Variants in AHCYL2 observed in about 807,000 individuals in gnomAD.
The protein encoded by AHCYL2 is adenosylhomocysteinase like 2, also known as S-adenosylhomocysteine hydrolase-like protein 2.
AHCYL2 carries 28 observed loss-of-function variants against 81.4 expected under a neutral mutation model. The observed-to-expected ratio is 0.34, with a 90% CI of 0.25 to 0.47. The LOEUF (loss-of-function observed/expected upper bound fraction) is 0.47. Ranked by LOEUF, AHCYL2 falls within the 20% of genes least tolerant of loss-of-function variation. The probability of loss-of-function intolerance (pLI) is 1.00; values close to 1 mark genes in which losing one functional copy is unlikely to be tolerated. For missense variants in AHCYL2, 551 were observed against 785.1 expected, an observed-to-expected ratio of 0.70 and a Z score of 3.56; for synonymous variants, 272 against 290.2, an observed-to-expected ratio of 0.94 and a Z score of 0.64.
At chr7:129,336,028 T>C (rs1798587736) in intron 1 of AHCYL2, among the ~76,000 whole-genome samples, 1 of 148,930 alleles carries the variant, frequency 6.7e-6, no homozygotes, top group Admixed American at 6.7e-5. Context: ...AAGTTTCTTT[T>C]CTTTTCTTTT....
rs933797478 is a variant in AHCYL2 at position 129,425,208 on chromosome 7, T to C, written c.1708+67T>C. ...TCAGAGTCTGAGGTTAAAGGAAGTT[T>C]GGGGGCATTAACTTACTTAAGGATG... On this transcript the variant is annotated intron_variant, in intron 15 of 16. Transcript: ENST00000325006. The C allele has an allele frequency of 7.6e-6, 11 of 1,450,490 alleles. No individual in the cohort carries two copies. The African/African-American group carries it at 1.5e-4, about 20-fold the overall frequency. The allele number at this position is 1,450,490 out of a possible 1,614,324, so 89.9% of individuals were successfully genotyped here. A position where few individuals can be genotyped will look rare whatever the true frequency, so the allele number is the denominator to read the frequency against.
chr7:129,394,067 C>T (rs1390057566), intron 4 of AHCYL2, among the ~76,000 whole-genome samples: 1 of 152,030 alleles, frequency 6.6e-6, no homozygotes, highest in Non-Finnish European at 1.5e-5. Flanking sequence ...TGCAGTGGTA[C>T]AATCATTGCA....
intron 1 of AHCYL2, among the ~76,000 whole-genome samples, chr7:129,288,560 ATATT>A (rs1236012336): frequency 1.3e-5 from 2 of 150,738 alleles, no homozygotes; most frequent in African/African-American, 4.9e-5. Context: ...GGGTCTCATC[ATATT>A]GGCCAGGCTG....
chr7:129,366,809 T>G (rs1162274159), intron 1 of AHCYL2, among the ~76,000 whole-genome samples: 1 of 151,856 alleles, frequency 6.6e-6, no homozygotes, highest in East Asian at 1.9e-4. Flanking sequence ...AGAAAGTTTA[T>G]TTTGCCAAGA....
At chr7:129,361,497 G>A (rs1181779800) in intron 1 of AHCYL2, among the ~76,000 whole-genome samples, 1 of 152,022 alleles carries the variant, frequency 6.6e-6, no homozygotes, top group East Asian at 1.9e-4. Flanking sequence ...CACATGGTAG[G>A]CACCCAGTAA....
At chr7:129,226,029 G>A (rs992356180) in intron 1 of AHCYL2, among the ~76,000 whole-genome samples, 3 of 152,182 alleles carry the variant, frequency 2.0e-5, no homozygotes, top group Non-Finnish European at 2.9e-5. Context: ...ATATGTAAAA[G>A]GGTAATGGAG....
chr7:129,353,988 G>A (rs775176128), intron 1 of AHCYL2, among the ~76,000 whole-genome samples: 29 of 152,140 alleles, frequency 1.9e-4, no homozygotes, highest in Non-Finnish European at 3.5e-4. Flanking sequence ...GAGAAGTAAA[G>A]TAAGCTGAGA....
chr7:129,321,139 C>A (rs1195309715), intron 1 of AHCYL2, among the ~76,000 whole-genome samples: 1 of 152,116 alleles, frequency 6.6e-6, no homozygotes, highest in African/African-American at 2.4e-5. Context: ...GACAATTTTA[C>A]TTTTTTCTTT....
In AHCYL2 at chr7:129,419,184, T is replaced by G. The variant is rs1316273485; in HGVS notation, c.1462-3656T>G. ...TGAGAAATATGAATGCTGTGAATAC[T>G]GAAGGATCTGGGATAGGGATTATGC... On this transcript the variant is annotated intron_variant, in intron 12 of 16. Coordinates refer to ENST00000325006, the MANE Select transcript of AHCYL2 (RefSeq NM_015328.4). This position sits in a 1 kb window ranked among gnomAD's most constrained non-coding sequence, Gnocchi z 4.7. Among the ~76,000 whole-genome samples the G allele has an allele frequency of 6.6e-6, 1 of 152,194 alleles. No individual in the cohort carries two copies. Among genetic ancestry groups the G allele is most frequent in the African/African-American group, 2.4e-5 (1 of 41,446 alleles).
chr7:129,279,824 C>CT (rs1194825954), intron 1 of AHCYL2, among the ~76,000 whole-genome samples: 1 of 152,146 alleles, frequency 6.6e-6, no homozygotes, highest in Non-Finnish European at 1.5e-5. Flanking sequence ...TAAACTGTCA[C>CT]GGCACTGGTG....
intron 1 of AHCYL2, among the ~76,000 whole-genome samples, chr7:129,266,701 C>A (rs114974917): frequency 1.4e-4 from 21 of 152,094 alleles, no homozygotes; most frequent in African/African-American, 4.8e-4. Flanking sequence ...ATACTGAGGG[C>A]GGGGAATAGG....
chr7:129,371,441 C>A (rs1272372582), intron 1 of AHCYL2, among the ~76,000 whole-genome samples: 2 of 152,142 alleles, frequency 1.3e-5, no homozygotes, highest in Non-Finnish European at 2.9e-5. Flanking sequence ...CCTGAAGAAC[C>A]CCAATCTCAA....
At chr7:129,257,921 C>CTTTACAAGAAAACATGT (rs1213032259) in intron 1 of AHCYL2, among the ~76,000 whole-genome samples, 1 of 152,144 alleles carries the variant, frequency 6.6e-6, no homozygotes, top group Non-Finnish European at 1.5e-5. Context: ...ACATTACATA[C>CTTTACAAGAAAACATGT]TTTACAAGAA....
In AHCYL2 at chr7:129,425,955, G is replaced by C. The variant is rs560188089; in HGVS notation, c.1709-488G>C. ...ACTATGTAGTCAGATAATAGAATGTGAACAGAAACCCATAAGAATTAAGAG... is the reference window on the plus strand; with the variant it reads ...ACTATGTAGTCAGATAATAGAATGTCAACAGAAACCCATAAGAATTAAGAG... On this transcript the variant is annotated intron_variant, in intron 15 of 16. Transcript: ENST00000325006. 6.6e-5 allele frequency among the ~76,000 whole-genome samples: 10 copies of C among 152,336 alleles called. No individual in the cohort carries two copies. The South Asian group carries it at 1.4e-3, about 22-fold the overall frequency.
intron 2 of AHCYL2, among the ~76,000 whole-genome samples, chr7:129,386,748 A>G (rs1040213820): frequency 1.3e-5 from 2 of 152,186 alleles, no homozygotes; most frequent in Non-Finnish European, 2.9e-5. Flanking sequence ...TAGGAAGGGC[A>G]ATCTCTTCTG....
chr7:129,342,431 C>G (rs1793216141), intron 1 of AHCYL2, among the ~76,000 whole-genome samples: 1 of 152,130 alleles, frequency 6.6e-6, no homozygotes, highest in Admixed American at 6.5e-5. Flanking sequence ...GAGAGAGACC[C>G]TTTCCTTTAA....
chr7:129,353,500 A>C (rs187952565), intron 1 of AHCYL2, among the ~76,000 whole-genome samples: 141 of 151,900 alleles, frequency 9.3e-4, no homozygotes, highest in African/African-American at 3.3e-3. Flanking sequence ...TTTATACCTT[A>C]TTTAGCCTCT....
intron 3 of AHCYL2, 97 bp downstream of exon 3, chr7:129,389,296 T>G: frequency 6.9e-7 from 1 of 1,439,158 alleles, no homozygotes; most frequent in Non-Finnish European, 9.6e-7. Context: ...CTTGTGAAAT[T>G]TCTATGTGAT....
intron 1 of AHCYL2, among the ~76,000 whole-genome samples, chr7:129,233,451 A>G (rs767819210): frequency 4.1e-4 from 63 of 152,142 alleles, no homozygotes; most frequent in Non-Finnish European, 6.5e-4. Context: ...TGCTGGGATT[A>G]TAGGCATTAG....
Sources: allele counts gnomAD v4.1 joint callset (sites outside exome capture counted in the v4.1 genomes callset), GRCh38; gene constraint gnomAD v4.1.1; non-coding constraint Gnocchi (gnomAD v3.1); transcripts MANE v1.5; gene names NCBI Gene and HGNC (gene_info 2026-07-23, HGNC 2026-07-21).